CNGB3: variants seen among roughly 807,000 people sequenced by gnomAD.
CNGB3 encodes the protein cyclic nucleotide-gated channel beta-3.
Under a neutral mutation model 92.8 loss-of-function variants are expected in CNGB3, and 86 were observed. The observed-to-expected ratio is 0.93, with a 90% confidence interval of 0.78 to 1.11. The LOEUF is 1.11. Among genes scored for constraint, CNGB3 ranks in the 50% least tolerant of loss-of-function variants. CNGB3 has a pLI of 0.00. For missense variants in CNGB3, 1,026 were observed against 956.8 expected (o/e 1.07, Z -0.95); for synonymous variants, 333 against 332.7 (o/e 1.00, Z -0.01).
intron 3 of CNGB3, among the ~76,000 whole-genome samples, chr8:86,722,047 A>G (rs904234509): frequency 6.6e-6 from 1 of 152,194 alleles, no homozygotes; most frequent in East Asian, 1.9e-4. Flanking sequence ...TCTCAGTATT[A>G]TGAGTAACAA....
intron 13 of CNGB3, among the ~76,000 whole-genome samples, chr8:86,617,773 T>A (rs941889258): frequency 1.3e-5 from 2 of 152,162 alleles, no homozygotes; most frequent in Admixed American, 6.5e-5. Context: ...ACTCTGAGGA[T>A]GAAACTAATC....
chr8:86,695,081 G>A (rs563987346), intron 3 of CNGB3, among the ~76,000 whole-genome samples: 8 of 152,332 alleles, frequency 5.3e-5, no homozygotes, highest in African/African-American at 7.2e-5. Context: ...GATCACTCGC[G>A]GTAAGGAGCT....
intron 2 of CNGB3, among the ~76,000 whole-genome samples, chr8:86,734,999 T>C (rs1404165485): frequency 6.7e-6 from 1 of 149,528 alleles, no homozygotes; most frequent in Non-Finnish European, 1.5e-5. Context: ...AGTAGCAGAG[T>C]TGTGATTTGA....
Position 86,711,814 on chromosome 8 carries a change from CCA to C in CNGB3, c.338+14715_338+14716del, listed in dbSNP as rs1448673922. ...GATGGAGGCTCTAGCAGGTAGTTTA[CCA>C]CTCTCTCTCTCTCTCTCTCTATATA... On this transcript the variant is annotated intron_variant, in intron 3 of 17. Transcript: ENST00000320005. Among the ~76,000 whole-genome samples, 3 of 100,174 alleles carry C rather than the reference CCA, an allele frequency of 3.0e-5. No individual in the cohort carries two copies. In the East Asian group the frequency reaches 8.9e-4, roughly 30 times the overall value. The allele number at this position is 100,174 out of a possible 152,430, so 65.7% of individuals were successfully genotyped here.
chr8:86,662,716 G>C (rs140845059), intron 6 of CNGB3, among the ~76,000 whole-genome samples: 1 of 152,142 alleles, frequency 6.6e-6, no homozygotes, highest in Non-Finnish European at 1.5e-5. Flanking sequence ...CCTGGAATTC[G>C]AACAGTGGGC....
At chr8:86,733,414 A>C (rs1001925514) in intron 2 of CNGB3, among the ~76,000 whole-genome samples, 3 of 152,238 alleles carry the variant, frequency 2.0e-5, no homozygotes, top group Non-Finnish European at 2.9e-5. Flanking sequence ...ACAAGAATGC[A>C]TGTGTCTTTT....
chr8:86,605,946 A>T (rs1822403441), intron 14 of CNGB3, among the ~76,000 whole-genome samples: 1 of 152,204 alleles, frequency 6.6e-6, no homozygotes, highest in African/African-American at 2.4e-5. Context: ...TAAGGAAGGT[A>T]GAGTAAGTAC....
chr8:86,712,461 C>T (rs570666235), intron 3 of CNGB3, among the ~76,000 whole-genome samples: 8 of 152,034 alleles, frequency 5.3e-5, no homozygotes, highest in Non-Finnish European at 1.2e-4. Context: ...GGAATTTTTT[C>T]TGGTGTGTGG....
intron 6 of CNGB3, chr8:86,660,591 T>G: frequency 1.9e-6 from 1 of 534,238 alleles, no homozygotes; most frequent in South Asian, 1.4e-5. Context: ...TATTGATTCT[T>G]ATTAGCTCCA....
intron 2 of CNGB3, among the ~76,000 whole-genome samples, chr8:86,737,042 A>G (rs1407504811): frequency 6.6e-6 from 1 of 152,064 alleles, no homozygotes; most frequent in South Asian, 2.1e-4. Flanking sequence ...GTCAATGCTG[A>G]TTTTCTATTT....
At chr8:86,637,456 C>A (rs371018587) in intron 10 of CNGB3, among the ~76,000 whole-genome samples, 48 of 151,644 alleles carry the variant, frequency 3.2e-4, no homozygotes, top group African/African-American at 1.0e-3. Context: ...TTTTGTGGTT[C>A]CATACAAATT....
chr8:86,661,366 T>C (rs1298763223), intron 6 of CNGB3: 10 of 406,084 alleles, frequency 2.5e-5, no homozygotes, highest in South Asian at 1.4e-4. Context: ...TGCCAGAAGA[T>C]AAAAATCATG....
chr8:86,577,948 CG>C (rs1479785299), intron 17 of CNGB3, among the ~76,000 whole-genome samples: 1 of 152,092 alleles, frequency 6.6e-6, no homozygotes, highest in Non-Finnish European at 1.5e-5. Flanking sequence ...ATTGCTCTGT[CG>C]CCCAGGCTGG....
intron 15 of CNGB3, among the ~76,000 whole-genome samples, chr8:86,601,175 A>G (rs1338900392): frequency 6.6e-6 from 1 of 152,178 alleles, no homozygotes; most frequent in Non-Finnish European, 1.5e-5. Flanking sequence ...ATCCTATTGA[A>G]ATCATAATGG....
In CNGB3 at chr8:86,579,238, C is replaced by T; in HGVS notation, c.1796G>A (p.Gly599Glu). The change falls in exon 16 of 18, where the codon GGA becomes GAA. Residue 599 changes from glycine to glutamate, a missense_variant. Gly to Glu is a moderately conservative substitution (Grantham distance 98, BLOSUM62 -2). Transcript: ENST00000320005. ...VFGEISLLAA[G>E]GGNRRTANVV... ...ATTGGCAGTTCGACGGTTTCCTCCT[C>T]CTGCTGCTAGAAGGCTGTAAGAGAG... 6.2e-7 allele frequency: 1 copy of T among 1,614,068 alleles called. No individual in the cohort carries two copies. The highest frequency in any genetic ancestry group is 8.5e-7 in the Non-Finnish European group (1 of 1,179,970).
At chr8:86,586,699 G>C (rs898576918) in intron 15 of CNGB3, among the ~76,000 whole-genome samples, 4 of 150,888 alleles carry the variant, frequency 2.7e-5, no homozygotes, top group African/African-American at 9.9e-5. Flanking sequence ...GTATTCCATG[G>C]TGTATATGTG....
chr8:86,612,882 A>AGCAAGGT (rs1822548233), intron 13 of CNGB3, among the ~76,000 whole-genome samples: 1 of 152,252 alleles, frequency 6.6e-6, no homozygotes, highest in South Asian at 2.1e-4. Flanking sequence ...GCTTTGTATG[A>AGCAAGGT]TAACCTTGGA....
chr8:86,636,389 T>C (rs920014773), intron 10 of CNGB3, among the ~76,000 whole-genome samples: 8 of 151,432 alleles, frequency 5.3e-5, no homozygotes, highest in African/African-American at 9.7e-5. Flanking sequence ...CTGGCCAACA[T>C]GGTGAAACCC....
chr8:86,689,517 T>TA (rs2131635489), intron 3 of CNGB3, among the ~76,000 whole-genome samples: 1 of 150,606 alleles, frequency 6.6e-6, no homozygotes, highest in Non-Finnish European at 1.5e-5. Flanking sequence ...ATATTTTTTT[T>TA]ACTTTTTATT....
Sources: gnomAD v4.1 joint callset for allele counts (sites outside exome capture counted in the v4.1 genomes callset) on GRCh38, gnomAD v4.1.1 for gene constraint, MANE v1.5 for transcripts, NCBI Gene and HGNC (gene_info 2026-07-23, HGNC 2026-07-21) for gene names.